NRG1: variants seen among roughly 807,000 people sequenced by gnomAD.
NRG1 encodes pro-neuregulin-1, membrane-bound isoform.
A neutral mutation model predicts 63.8 loss-of-function variants in NRG1; 18 were observed. That is an observed-to-expected ratio of 0.28 (90% confidence interval 0.19 to 0.42). The LOEUF (loss-of-function observed/expected upper bound fraction) is 0.42. Among genes scored for constraint, NRG1 ranks in the 10% least tolerant of loss-of-function variants. The pLI, the probability that NRG1 is intolerant of heterozygous loss-of-function variation, is 1.00. For synonymous variants in NRG1, 302 were observed against 301.3 expected (o/e 1.00, Z -0.02); for missense variants, 762 against 814.7 (o/e 0.94, Z 0.79).
intron 1 of NRG1, among the ~76,000 whole-genome samples, chr8:32,055,809 C>T (rs1452746692): frequency 6.6e-6 from 1 of 152,002 alleles, no homozygotes; most frequent in East Asian, 1.9e-4. Flanking sequence ...GATAGAGCCC[C>T]CTTGGTGGTG....
intron 1 of NRG1, among the ~76,000 whole-genome samples, chr8:31,857,214 G>A (rs1827987759): frequency 3.9e-5 from 6 of 152,316 alleles, no homozygotes; most frequent in Non-Finnish European, 8.8e-5. Flanking sequence ...CCCCCAGCCT[G>A]CTGCCGCCTT....
chr8:32,348,068 G>A (rs1805142099), intron 1 of NRG1, among the ~76,000 whole-genome samples: 1 of 152,090 alleles, frequency 6.6e-6, no homozygotes, highest in African/African-American at 2.4e-5. Context: ...CATGGTCAAT[G>A]GATTATTACC....
intron 1 of NRG1, among the ~76,000 whole-genome samples, chr8:32,047,978 G>C (rs922172321): frequency 1.3e-5 from 2 of 151,840 alleles, no homozygotes; most frequent in Non-Finnish European, 2.9e-5. Flanking sequence ...TAGATTCTGA[G>C]TATGAGTGAG....
chr8:32,234,988 G>A (rs1457997220), intron 1 of NRG1, among the ~76,000 whole-genome samples: 4 of 152,036 alleles, frequency 2.6e-5, no homozygotes, highest in Non-Finnish European at 5.9e-5. Flanking sequence ...AACCATTCAA[G>A]CAGTAGGTTC....
intron 1 of NRG1, among the ~76,000 whole-genome samples, chr8:31,831,149 T>C (rs1825119283): frequency 6.6e-6 from 1 of 151,990 alleles, no homozygotes; most frequent in Non-Finnish European, 1.5e-5. Context: ...TCACCCAGGC[T>C]GGAGTGCAGT....
At chr8:32,351,869 G>A (rs1233470314) in intron 1 of NRG1, among the ~76,000 whole-genome samples, 1 of 151,916 alleles carries the variant, frequency 6.6e-6, no homozygotes, top group Non-Finnish European at 1.5e-5. Context: ...GGCCCATTCT[G>A]GAGAATAGTA....
At chr8:32,662,114 A>G (rs561918548) in intron 5 of NRG1, among the ~76,000 whole-genome samples, 1 of 152,320 alleles carries the variant, frequency 6.6e-6, no homozygotes, top group South Asian at 2.1e-4. Context: ...TATCACATGT[A>G]CCCCCAAAAG....
At chr8:31,831,961 T>C (rs187861145) in intron 1 of NRG1, among the ~76,000 whole-genome samples, 83 of 152,308 alleles carry the variant, frequency 5.4e-4, no homozygotes, top group Non-Finnish European at 9.3e-4. Flanking sequence ...CTGTTGTTAC[T>C]CTCTTGCAAG....
At chr8:32,559,976 C>T (rs1336906718) in intron 1 of NRG1, among the ~76,000 whole-genome samples, 1 of 152,002 alleles carries the variant, frequency 6.6e-6, no homozygotes, top group Non-Finnish European at 1.5e-5. Flanking sequence ...GGAATCGTGA[C>T]ACCACACTCC....
At chr8:32,395,336 T>C (rs1477763003) in intron 1 of NRG1, among the ~76,000 whole-genome samples, 3 of 152,240 alleles carry the variant, frequency 2.0e-5, no homozygotes, top group African/African-American at 7.2e-5. Flanking sequence ...TGCAAAGTAT[T>C]GAATTATTTT....
intron 1 of NRG1, among the ~76,000 whole-genome samples, chr8:32,405,153 G>A (rs1191929502): frequency 2.0e-5 from 3 of 152,124 alleles, no homozygotes; most frequent in Non-Finnish European, 4.4e-5. Context: ...CTTAAGCTAG[G>A]TGCAAACCCA....
intron 1 of NRG1, among the ~76,000 whole-genome samples, chr8:32,199,263 T>C (rs913505428): frequency 2.6e-5 from 4 of 152,212 alleles, no homozygotes; most frequent in African/African-American, 7.2e-5. Flanking sequence ...TCCAGCTAGA[T>C]ACTTTCTGCT....
chr8:31,666,132 A>G (rs954247678), intron 1 of NRG1, among the ~76,000 whole-genome samples: 1 of 152,202 alleles, frequency 6.6e-6, no homozygotes, highest in African/African-American at 2.4e-5. Flanking sequence ...ACTTCAGGAC[A>G]AACCAGGGCC....
At chr8:31,870,415 T>C (rs1213248033) in intron 1 of NRG1, among the ~76,000 whole-genome samples, 2 of 152,106 alleles carry the variant, frequency 1.3e-5, no homozygotes, top group African/African-American at 4.8e-5. Context: ...AGTTTAAAAA[T>C]GAGTGAGTGT....
chr8:31,905,329 G>A (rs1241794065), intron 1 of NRG1, among the ~76,000 whole-genome samples: 1 of 151,982 alleles, frequency 6.6e-6, no homozygotes, highest in Admixed American at 6.6e-5. Context: ...GGAGTGCATT[G>A]GTCACACAAA....
chr8:32,721,740 TTC>T (rs1820698492), intron 5 of NRG1: 1 of 921,320 alleles, frequency 1.1e-6, no homozygotes, highest in Admixed American at 4.4e-5. Context: ...GCTTCCGTGG[TTC>T]TGAGCCTGGC....
At chr8:32,167,021 T>A (rs375957688) in intron 1 of NRG1, among the ~76,000 whole-genome samples, 2 of 152,324 alleles carry the variant, frequency 1.3e-5, no homozygotes, top group East Asian at 3.9e-4. Flanking sequence ...CCAGGAGGTA[T>A]GTAAAAGCTA....
chr8:32,622,752 G>A (rs1392763274), intron 5 of NRG1, among the ~76,000 whole-genome samples: 1 of 152,186 alleles, frequency 6.6e-6, no homozygotes, highest in Non-Finnish European at 1.5e-5. Flanking sequence ...ATATTGGGAA[G>A]TCTAATGTGA....
chr8:32,721,832 GCT>G lies in NRG1; in HGVS notation c.503-6114_503-6113del, dbSNP rs933164698. ...TAGAGAAGCTACATTAGGTGGCACA[GCT>G]CTTTCTGCTCAGCTTCTGCTCCAGA... On this transcript the variant is annotated intron_variant, in intron 5 of 11. Coordinates refer to ENST00000356819, the Ensembl canonical transcript of NRG1. 2.3e-5 allele frequency: 31 copies of G among 1,370,906 alleles called. No homozygotes were observed. The African/African-American group carries it at 3.8e-4, about 17-fold the overall frequency. 84.9% of individuals were successfully genotyped at this position (1,370,906 alleles called of 1,614,324 possible).
Sources: gnomAD v4.1 joint callset for allele counts (sites outside exome capture counted in the v4.1 genomes callset) on GRCh38, gnomAD v4.1.1 for gene constraint, MANE v1.5 for transcripts, NCBI Gene and HGNC (gene_info 2026-07-23, HGNC 2026-07-21) for gene names.